GNA13: variants seen among roughly 807,000 people sequenced by gnomAD.
The protein encoded by GNA13 is G protein subunit alpha 13.
A neutral mutation model predicts 33.5 loss-of-function variants in GNA13; 4 were observed. The ratio of observed to expected loss-of-function variants is 0.12; its 90% CI spans 0.06 to 0.27. The LOEUF (loss-of-function observed/expected upper bound fraction) is 0.27. Ranked by LOEUF, GNA13 falls within the 10% of genes least tolerant of loss-of-function variation. The pLI is 1.00. For missense variants in GNA13, 319 were observed against 487.2 expected (o/e 0.65, Z 3.25); for synonymous variants, 176 against 183.8 (o/e 0.96, Z 0.34).
intron 2 of GNA13, among the ~76,000 whole-genome samples, chr17:65,032,360 A>T (rs1486807463): frequency 6.6e-6 from 1 of 152,156 alleles, no homozygotes; most frequent in African/African-American, 2.4e-5. Flanking sequence ...ATACCATGAG[A>T]TTGTTCTGCC....
chr17:65,055,920 G>T (rs1908035300), intron 1 of GNA13: 3 of 198,708 alleles, frequency 1.5e-5, no homozygotes, highest in South Asian at 3.5e-4. Flanking sequence ...GGGTGAAGCG[G>T]CTAGGGCTGC....
At chr17:65,049,909 T>C (rs1396770154) in intron 2 of GNA13, among the ~76,000 whole-genome samples, 1 of 152,118 alleles carries the variant, frequency 6.6e-6, no homozygotes, top group Non-Finnish European at 1.5e-5. Flanking sequence ...GGGTAAGACC[T>C]AGTAACAGAT....
intron 2 of GNA13, among the ~76,000 whole-genome samples, chr17:65,031,631 T>C (rs922030246): frequency 7.9e-5 from 12 of 152,278 alleles, no homozygotes; most frequent in Admixed American, 7.2e-4. Context: ...TTTCCATCAG[T>C]GTTATAATCC....
Position 65,013,751 on chromosome 17 carries a change from C to T in GNA13, c.*506G>A, listed in dbSNP as rs1177289753. 1 of 210,652 alleles carries T rather than the reference C, an allele frequency of 4.7e-6. No individual in the cohort carries two copies. Among genetic ancestry groups the T allele is most frequent in the African/African-American group, 2.3e-5 (1 of 44,058 alleles). 13.0% of individuals were successfully genotyped at this position (210,652 alleles called of 1,614,324 possible). ...GAAGGCTAAACCTTCTATAAACCTA[C>T]AGAATGCCATTTCTTAGATAGAACT... On this transcript the variant is annotated 3_prime_UTR_variant, in exon 4 of 4. Coordinates refer to ENST00000439174, the MANE Select transcript of GNA13 (RefSeq NM_006572.6).
chr17:65,054,191 G>A (rs1907954174), intron 1 of GNA13, among the ~76,000 whole-genome samples: 1 of 152,078 alleles, frequency 6.6e-6, no homozygotes, highest in Non-Finnish European at 1.5e-5. Context: ...TTGTTGCTTC[G>A]GCACCCTAAC....
intron 2 of GNA13, among the ~76,000 whole-genome samples, chr17:65,045,721 G>C (rs1907636864): frequency 6.6e-6 from 1 of 152,058 alleles, no homozygotes; most frequent in Non-Finnish European, 1.5e-5. Context: ...AAAGAAAGAA[G>C]AAATGGTACA....
intron 3 of GNA13, among the ~76,000 whole-genome samples, chr17:65,016,959 C>A (rs1906391914): frequency 6.6e-6 from 1 of 152,180 alleles, no homozygotes; most frequent in African/African-American, 2.4e-5. Flanking sequence ...CATTCCCCTA[C>A]TAGTGGTCAT....
chr17:65,011,522 C>T lies in GNA13; in HGVS notation c.*2735G>A, dbSNP rs1162807644. Reference sequence around the variant, plus strand: ...ACTCAGATTTTCAGAAAACATTTGACAAAACCCTTTCTCTATAAAAGTTAT... The same window carrying T: ...ACTCAGATTTTCAGAAAACATTTGATAAAACCCTTTCTCTATAAAAGTTAT... On this transcript the variant is annotated 3_prime_UTR_variant, in exon 4 of 4. Transcript: ENST00000439174. 9.9e-6 allele frequency: 2 copies of T among 202,340 alleles called. No individual in the cohort carries two copies. Among genetic ancestry groups the T allele is most frequent in the Non-Finnish European group, 2.0e-5 (2 of 98,278 alleles). The allele number at this position is 202,340 out of a possible 1,614,324, so 12.5% of individuals were successfully genotyped here.
chr17:65,032,716 G>A (rs1907092065), intron 2 of GNA13, among the ~76,000 whole-genome samples: 1 of 152,090 alleles, frequency 6.6e-6, no homozygotes, highest in Non-Finnish European at 1.5e-5. Context: ...TTTTCATTTT[G>A]CTTGGTTGTC....
chr17:65,045,507 C>CAA (rs369520601), intron 2 of GNA13, among the ~76,000 whole-genome samples: 4,765 of 85,562 alleles, frequency 0.056, 259 homozygotes, highest in East Asian at 0.084. Flanking sequence ...GACTCTGTCT[C>CAA]AAAAAAAAAA....
rs112150081 is a variant in GNA13 at position 65,035,678 on chromosome 17, C to T, written c.511-17375G>A. Reference sequence around the variant, plus strand: ...TAAGAATTCTGAGCCTTGAAAAATCCCTCAAGGTTAAAATACTTTTTTGAA... The same window carrying T: ...TAAGAATTCTGAGCCTTGAAAAATCTCTCAAGGTTAAAATACTTTTTTGAA... On this transcript the variant is annotated intron_variant, in intron 2 of 3. Coordinates refer to ENST00000439174, the MANE Select transcript of GNA13 (RefSeq NM_006572.6). Among the ~76,000 whole-genome samples, 440 of 152,170 alleles carry T rather than the reference C, an allele frequency of 2.9e-3. 4 individuals are homozygous for T. Among genetic ancestry groups the T allele is most frequent in the African/African-American group, 0.01 (423 of 41,520 alleles).
At position 65,014,737 on chromosome 17, in the gene GNA13, G is replaced by A; in HGVS notation, c.654C>T (p.Phe218=). 6.2e-7 allele frequency: 1 copy of A among 1,613,798 alleles called. No homozygotes were observed. The highest frequency in any genetic ancestry group is 8.5e-7 in the Non-Finnish European group (1 of 1,179,736). Residue 218 remains phenylalanine (F), a synonymous_variant, in exon 4 of 4, where the codon TTC becomes TTT. Coordinates refer to ENST00000439174, the MANE Select transcript of GNA13 (RefSeq NM_006572.6). The surrounding 1 kb of genome is among the most constrained non-coding windows in gnomAD (Gnocchi z 5.3). ...EYDFEIKNVP[F]KMVDVGGQRS... ...TCTGACCACCTACATCAACCATTTTGAAAGGAACATTTTTTATTTCAAAGT... is the reference window on the plus strand; with the variant it reads ...TCTGACCACCTACATCAACCATTTTAAAAGGAACATTTTTTATTTCAAAGT...
rs1906165499 is a variant in GNA13, at chr17:65,010,916, T to TA, written c.*3340dup. ...GGTTTTGTCTAAATGTATCATTATATAATGAAAGCACCAATTTGAGGGTTT... is the reference window on the plus strand; with the variant it reads ...GGTTTTGTCTAAATGTATCATTATATAAATGAAAGCACCAATTTGAGGGTTT... On this transcript the variant is annotated 3_prime_UTR_variant, in exon 4 of 4. Coordinates refer to ENST00000439174, the MANE Select transcript of GNA13 (RefSeq NM_006572.6). The TA allele has an allele frequency of 4.9e-6, 1 of 203,538 alleles. No individual in the cohort carries two copies. Among genetic ancestry groups the TA allele is most frequent in the African/African-American group, 2.3e-5 (1 of 43,666 alleles). The allele number at this position is 203,538 out of a possible 1,614,324, so 12.6% of individuals were successfully genotyped here. A position where few individuals can be genotyped will look rare whatever the true frequency, so the allele number is the denominator to read the frequency against.
chr17:65,014,901 G>T lies in GNA13; in HGVS notation c.562-72C>A. 1 of 805,342 alleles carries T rather than the reference G, an allele frequency of 1.2e-6. No individual in the cohort carries two copies. The highest frequency in any genetic ancestry group is 2.0e-6 in the Non-Finnish European group (1 of 490,476). 49.9% of individuals were successfully genotyped at this position (805,342 alleles called of 1,614,324 possible). On this transcript the variant is annotated intron_variant, in intron 3 of 3. Transcript: ENST00000439174. The surrounding 1 kb of genome is among the most constrained non-coding windows in gnomAD (Gnocchi z 5.3). Reference sequence around the variant, plus strand: ...GCGAATTTTTAATGGACTACTAACTGGACTAGTGAATAGATATGCAAACAA... The same window carrying T: ...GCGAATTTTTAATGGACTACTAACTTGACTAGTGAATAGATATGCAAACAA...
rs1327603154 is a variant in GNA13, at chr17:65,041,882, GAGA to G, written c.510+11617_510+11619del. Among the ~76,000 whole-genome samples, 4 of 152,180 alleles carry G rather than the reference GAGA, an allele frequency of 2.6e-5. No individual in the cohort carries two copies. The East Asian group carries it at 7.7e-4, about 29-fold the overall frequency. ...TTCTGGCTACAAATGTCATCGTGAT[GAGA>G]AGGATCAATACTGGTTAGTTTCACC... On this transcript the variant is annotated intron_variant, in intron 2 of 3. Transcript: ENST00000439174.
intron 2 of GNA13, among the ~76,000 whole-genome samples, chr17:65,031,917 AGAGAGTGTGT>A (rs1210413054): frequency 8.6e-5 from 11 of 128,180 alleles, no homozygotes; most frequent in African/African-American, 3.5e-4. Flanking sequence ...AGAGAGAGAG[AGAGAGTGTGT>A]GTGTGTGTGT....
intron 2 of GNA13, among the ~76,000 whole-genome samples, chr17:65,022,671 A>G (rs1263930379): frequency 6.6e-6 from 1 of 152,256 alleles, no homozygotes; most frequent in Non-Finnish European, 1.5e-5. Context: ...TTAAAATGGA[A>G]TAGCTTATCA....
At chr17:65,025,743 G>C (rs909921881) in intron 2 of GNA13, among the ~76,000 whole-genome samples, 1 of 150,800 alleles carries the variant, frequency 6.6e-6, no homozygotes, top group Non-Finnish European at 1.5e-5. Context: ...ACTTTGGGAG[G>C]CTAAAGAGCA....
chr17:65,031,895 AAAG>A lies in GNA13; in HGVS notation c.511-13595_511-13593del, dbSNP rs1907040081. On this transcript the variant is annotated intron_variant, in intron 2 of 3. Coordinates refer to ENST00000439174, the MANE Select transcript of GNA13 (RefSeq NM_006572.6). The stretch of plus-strand genomic sequence containing the variant: ...GAGAGAGAGAGAGAGAGAGAGAGAG[AAAG>A]AGAGAGAGAGAGAGAGAGAGAGAGT... 2.0e-3 allele frequency among the ~76,000 whole-genome samples: 270 copies of A among 136,226 alleles called. 1 individual carries two copies. Among genetic ancestry groups the A allele is most frequent in the African/African-American group, 7.3e-3 (249 of 34,176 alleles). 89.4% of individuals were successfully genotyped at this position (136,226 alleles called of 152,430 possible).
Sources: allele counts gnomAD v4.1 joint callset (sites outside exome capture counted in the v4.1 genomes callset), GRCh38; gene constraint gnomAD v4.1.1; non-coding constraint Gnocchi (gnomAD v3.1); transcripts MANE v1.5; gene names NCBI Gene and HGNC (gene_info 2026-07-23, HGNC 2026-07-21).